Variants in ANKRD30BL observed in about 807,000 individuals in gnomAD.
ANKRD30BL encodes the protein putative ankyrin repeat domain-containing protein 30B-like.
Under a neutral mutation model 18.4 loss-of-function variants are expected in ANKRD30BL, and 20 were observed. That is an observed-to-expected ratio of 1.09 (90% CI 0.77 to 1.58). The LOEUF is 1.58. Ranked by LOEUF, ANKRD30BL falls within the 40% of genes most tolerant of loss-of-function variation. The pLI is 0.00. For synonymous variants in ANKRD30BL, 72 were observed against 100.9 expected (o/e 0.71, Z 1.72); for missense variants, 224 against 268.6 (o/e 0.83, Z 1.16).
At chr2:132,221,611 GC>G in intron 1 of ANKRD30BL, among the ~76,000 whole-genome samples, 1 of 128,336 alleles carries the variant, frequency 7.8e-6, no homozygotes, top group South Asian at 2.4e-4. Context: ...TCAGCCCCCC[GC>G]CCGGCCAGCC....
At chr2:132,240,589 A>C (rs1680289092) in intron 1 of ANKRD30BL, among the ~76,000 whole-genome samples, 1 of 151,864 alleles carries the variant, frequency 6.6e-6, no homozygotes, top group Non-Finnish European at 1.5e-5. Context: ...GCAGAGTTGA[A>C]ACATTCTTTT....
At chr2:132,201,310 T>C (rs1679092608) in intron 1 of ANKRD30BL, among the ~76,000 whole-genome samples, 1 of 152,080 alleles carries the variant, frequency 6.6e-6, no homozygotes. Context: ...CTAATTAAAC[T>C]GAAGAGCTTC....
chr2:132,187,184 G>T (rs200276771), intron 1 of ANKRD30BL, among the ~76,000 whole-genome samples: 3,337 of 104,432 alleles, frequency 0.032, 62 homozygotes, highest in African/African-American at 0.078. Context: ...TTTTTTTTTT[G>T]TTTGTTTTTT....
chr2:132,202,388 A>G (rs905539701), intron 1 of ANKRD30BL, among the ~76,000 whole-genome samples: 1 of 151,402 alleles, frequency 6.6e-6, no homozygotes, highest in African/African-American at 2.5e-5. Context: ...CAATTATTAA[A>G]GTAAAATAAA....
intron 1 of ANKRD30BL, among the ~76,000 whole-genome samples, chr2:132,221,419 G>A: frequency 7.3e-6 from 1 of 137,300 alleles, no homozygotes; most frequent in East Asian, 2.3e-4. Context: ...GAGGGAGGTG[G>A]GGGGATCAGC....
chr2:132,210,850 C>A (rs7585048), intron 1 of ANKRD30BL, among the ~76,000 whole-genome samples: 1 of 142,426 alleles, frequency 7.0e-6, no homozygotes, highest in African/African-American at 2.7e-5. Context: ...TATTTGGAGC[C>A]CTTTGGGGCC....
At chr2:132,254,906 C>T (rs888147709) in intron 1 of ANKRD30BL, among the ~76,000 whole-genome samples, 2 of 152,194 alleles carry the variant, frequency 1.3e-5, no homozygotes, top group African/African-American at 4.8e-5. Context: ...AAAGAGCTAT[C>T]AATCTGTCAA....
chr2:132,211,694 AC>A (rs1165467687), intron 1 of ANKRD30BL, among the ~76,000 whole-genome samples: 1 of 151,916 alleles, frequency 6.6e-6, no homozygotes, highest in Admixed American at 6.6e-5. Flanking sequence ...CTGCAAGTGG[AC>A]ATTTGGAGCT....
intron 1 of ANKRD30BL, among the ~76,000 whole-genome samples, chr2:132,227,701 A>G (rs1317965367): frequency 6.6e-6 from 1 of 151,940 alleles, no homozygotes; most frequent in Non-Finnish European, 1.5e-5. Context: ...TTGGGCCTAT[A>G]GTGGAAAAGG....
intron 1 of ANKRD30BL, among the ~76,000 whole-genome samples, chr2:132,191,934 C>T (rs529026189): frequency 2.1e-3 from 313 of 151,834 alleles, no homozygotes; most frequent in Middle Eastern, 3.4e-3. Flanking sequence ...TTAGTAGAGA[C>T]GGGGTTTCAC....
intron 1 of ANKRD30BL, among the ~76,000 whole-genome samples, chr2:132,230,663 A>G (rs1679984155): frequency 6.6e-6 from 1 of 152,200 alleles, no homozygotes; most frequent in Non-Finnish European, 1.5e-5. Flanking sequence ...AAAACTAGAC[A>G]GAAGCATTCT....
chr2:132,247,946 A>C (rs1680546893), intron 1 of ANKRD30BL, among the ~76,000 whole-genome samples: 1 of 152,114 alleles, frequency 6.6e-6, no homozygotes, highest in Non-Finnish European at 1.5e-5. Flanking sequence ...ATTTCACCTT[A>C]GTCCTCAAAG....
At chr2:132,234,459 A>G (rs1680100032) in intron 1 of ANKRD30BL, among the ~76,000 whole-genome samples, 1 of 152,156 alleles carries the variant, frequency 6.6e-6, no homozygotes, top group African/African-American at 2.4e-5. Context: ...TAAAGAAAAA[A>G]AGAGAGAAGA....
chr2:132,165,623 G>A (rs1040065136), upstream of ANKRD30BL, among the ~76,000 whole-genome samples: 10 of 151,808 alleles, frequency 6.6e-5, no homozygotes, highest in East Asian at 1.8e-3. Context: ...CTCTGGAGGC[G>A]AGGCAGGAGA....
At chr2:132,166,767 G>T (rs1399274607), upstream of ANKRD30BL, among the ~76,000 whole-genome samples, 1 of 151,764 alleles carries the variant, frequency 6.6e-6, no homozygotes, top group Non-Finnish European at 1.5e-5. Flanking sequence ...CTGTTTCATT[G>T]ATTTTCTCTA....
intron 1 of ANKRD30BL, among the ~76,000 whole-genome samples, chr2:132,241,512 T>C (rs1236633792): frequency 6.6e-6 from 1 of 151,814 alleles, no homozygotes; most frequent in Non-Finnish European, 1.5e-5. Context: ...AAAAGAATTA[T>C]CTTCACATAA....
intron 1 of ANKRD30BL, among the ~76,000 whole-genome samples, chr2:132,209,907 G>A (rs992505955): frequency 6.6e-6 from 1 of 152,048 alleles, no homozygotes; most frequent in Admixed American, 6.6e-5. Context: ...TGTGATGTGT[G>A]CATTCATCTC....
rs769359440 is a variant in ANKRD30BL, at chr2:132,154,743, GC to G, written c.532del (p.Ala178ProfsTer2). The G allele has an allele frequency of 4.2e-6, 3 of 721,668 alleles. No homozygotes were observed. The East Asian group carries it at 7.8e-5, about 19-fold the overall frequency. The allele number at this position is 721,668 out of a possible 1,614,324, so 44.7% of individuals were successfully genotyped here. On this transcript the variant is annotated frameshift_variant, in exon 4 of 6. Transcript: ENST00000409867. LOFTEE classifies it high-confidence loss of function. ...NKAGHTPLLLAIRKRSEEIVE... is the reference protein window; with the variant it reads ...NKAGHTPLLLXIRKRSEEIVE... ...AATTTCCTCACTTCTTTTCCTTATG[GC>G]CAGTAAAAGTGGTGTGTGGCCAGCC...
chr2:132,166,967 T>C (rs1316063523), intron 1 of ANKRD30BL, among the ~76,000 whole-genome samples: 1 of 151,844 alleles, frequency 6.6e-6, no homozygotes, highest in Non-Finnish European at 1.5e-5. Context: ...ATCTCATATA[T>C]TTTAATAAGT....
Sources: gnomAD v4.1 joint callset for allele counts (sites outside exome capture counted in the v4.1 genomes callset) on GRCh38, gnomAD v4.1.1 for gene constraint, MANE v1.5 for transcripts, NCBI Gene and HGNC (gene_info 2026-07-23, HGNC 2026-07-21) for gene names.